FN3KRP: variants seen among roughly 807,000 people sequenced by gnomAD.
The protein encoded by FN3KRP is fructosamine 3 kinase related protein, also known as ketosamine-3-kinase.
FN3KRP carries 33 observed loss-of-function variants against 29.8 expected under a neutral mutation model. The ratio of observed to expected loss-of-function variants is 1.11; its 90% CI spans 0.84 to 1.48. The LOEUF (loss-of-function observed/expected upper bound fraction) is 1.48, where lower values mean the gene tolerates loss of function less well. Among genes scored for constraint, FN3KRP ranks in the 40% most tolerant of loss-of-function variants. FN3KRP has a pLI of 0.00. For missense variants in FN3KRP, 430 were observed against 402.6 expected (o/e 1.07, Z -0.58); for synonymous variants, 157 against 155.2 (o/e 1.01, Z -0.09).
At chr17:82,718,754 T>C in intron 1 of FN3KRP, 152 bp from the exon 2 acceptor site, 3 of 1,215,974 alleles carry the variant, frequency 2.5e-6, no homozygotes, top group Non-Finnish European at 3.5e-6. Context: ...TGTTGGCAAG[T>C]GTGTTTGAAA....
At position 82,726,951 on chromosome 17, in the gene FN3KRP, C is replaced by A. The variant is rs1321239467; in HGVS notation, c.710C>A (p.Ser237Tyr). The A allele has an allele frequency of 1.4e-5, 22 of 1,613,592 alleles. No individual in the cohort carries two copies. Among genetic ancestry groups the A allele is most frequent in the Non-Finnish European group, 1.9e-5 (22 of 1,179,768 alleles). The stretch of plus-strand genomic sequence containing the variant: ...GGGCCGGTGATTTTTGACCCAGCTT[C>A]TTTCTACGGCCACTCGGAATATGAG... ...SSGPVIFDPASFYGHSEYELA... is the reference protein window; with the variant it reads ...SSGPVIFDPAYFYGHSEYELA... The change falls in exon 6 of 6, where the codon TCT becomes TAT. Residue 237 changes from serine (S) to tyrosine (Y), a missense_variant. Physicochemically the swap from Ser to Tyr is moderately radical, Grantham distance 144. Coordinates refer to ENST00000269373, the MANE Select transcript of FN3KRP (RefSeq NM_024619.4).
At position 82,720,340 on chromosome 17, in the gene FN3KRP, G is replaced by T. The variant is rs756638100; in HGVS notation, c.362G>T (p.Arg121Leu). ...HLDNKKLGEM[R>L]LKEAGTVGRG... ...GATAACAAGAAGCTTGGAGAGATGCGCCTGAAGGAGGCGGGCACAGTGGGT... is the reference window on the plus strand; with the variant it reads ...GATAACAAGAAGCTTGGAGAGATGCTCCTGAAGGAGGCGGGCACAGTGGGT... Residue 121 changes from arginine to leucine, a missense_variant, in exon 3 of 6, where the codon CGC becomes CTC. Transcript: ENST00000269373. The T allele has an allele frequency of 9.9e-6, 16 of 1,613,614 alleles. No homozygotes were observed. Among genetic ancestry groups the T allele is most frequent in the Non-Finnish European group, 1.1e-5 (13 of 1,179,962 alleles).
At chr17:82,726,729 T>C in intron 5 of FN3KRP, 104 bp from the exon 6 acceptor site, 2 of 1,499,710 alleles carry the variant, frequency 1.3e-6, no homozygotes, top group Non-Finnish European at 1.8e-6. Flanking sequence ...TGCCTGGTGG[T>C]GTGCTATCCG....
In FN3KRP at chr17:82,718,905, G is replaced by A; in HGVS notation, c.142-1G>A. ...CACTTCCTCTCGTATTTTTCTGACAGGCCAGAAGAATGTTTGAAGGTGAGA... is the reference window on the plus strand; with the variant it reads ...CACTTCCTCTCGTATTTTTCTGACAAGCCAGAAGAATGTTTGAAGGTGAGA... On this transcript the variant is annotated splice_acceptor_variant, in intron 1 of 5. Transcript: ENST00000269373. LOFTEE classifies it high-confidence loss of function. 6.2e-7 allele frequency: 1 copy of A among 1,613,262 alleles called. No homozygotes were observed. The highest frequency in any genetic ancestry group is 8.5e-7 in the Non-Finnish European group (1 of 1,179,272).
In FN3KRP at chr17:82,716,757, TGGA is replaced by T. The variant is rs2046756494; in HGVS notation, c.7_9del (p.Glu3?). 4.6e-6 allele frequency: 7 copies of T among 1,506,260 alleles called. No homozygotes were observed. The highest frequency in any genetic ancestry group is 1.5e-5 in the African/African-American group (1 of 68,430). The allele number at this position is 1,506,260 out of a possible 1,614,324, so 93.3% of individuals were successfully genotyped here. On this transcript the variant is annotated start_lost and inframe_deletion, in exon 1 of 6. Transcript: ENST00000269373. ...CGGGTCCGCGGCCGCGGCGGGAACA[TGGA>T]GGAGCTCCTGAGGCGCGAGCTGGGC...
intron 3 of FN3KRP, among the ~76,000 whole-genome samples, chr17:82,721,166 T>C (rs2246816): frequency 0.74 from 112,899 of 152,070 alleles, 42,112 homozygotes; most frequent in African/African-American, 0.81. Flanking sequence ...TGGCTCACCG[T>C]GACCTCTGCC....
Position 82,727,093 on chromosome 17 carries a change from C to G in FN3KRP, c.852C>G (p.His284Gln). ...GCCTTCAGTTGTATCAGCTCTTTCACTACTTGAACCACTGGAATCATTTTG... is the reference window on the plus strand; with the variant it reads ...GCCTTCAGTTGTATCAGCTCTTTCAGTACTTGAACCACTGGAATCATTTTG... ...EKRLQLYQLF[H>Q]YLNHWNHFGS... The change falls in exon 6 of 6, where the codon CAC becomes CAG. Residue 284 changes from histidine (H) to glutamine (Q), a missense_variant. Transcript: ENST00000269373. The G allele has an allele frequency of 6.2e-7, 1 of 1,614,226 alleles. No individual in the cohort carries two copies. The highest frequency in any genetic ancestry group is 8.5e-7 in the Non-Finnish European group (1 of 1,180,042).
chr17:82,718,091 G>A (rs1487119345), intron 1 of FN3KRP, among the ~76,000 whole-genome samples: 1 of 151,176 alleles, frequency 6.6e-6, no homozygotes, highest in Non-Finnish European at 1.5e-5. Context: ...TGTGTGTTGT[G>A]TGTGTATGGT....
chr17:82,726,945 C>G lies in FN3KRP; in HGVS notation c.704C>G (p.Pro235Arg), dbSNP rs1273283102. 2 of 1,612,974 alleles carry G rather than the reference C, an allele frequency of 1.2e-6. No homozygotes were observed. Among genetic ancestry groups the G allele is most frequent in the Non-Finnish European group, 1.7e-6 (2 of 1,179,542 alleles). ...TCCTCTGGGCCGGTGATTTTTGACCCAGCTTCTTTCTACGGCCACTCGGAA... is the reference window on the plus strand; with the variant it reads ...TCCTCTGGGCCGGTGATTTTTGACCGAGCTTCTTTCTACGGCCACTCGGAA... ...EDSSGPVIFD[P>R]ASFYGHSEYE... The change falls in exon 6 of 6, where the codon CCA becomes CGA. Residue 235 changes from proline (P) to arginine (R), a missense_variant. Transcript: ENST00000269373.
At chr17:82,725,728 C>T (rs1025722210) in intron 4 of FN3KRP, among the ~76,000 whole-genome samples, 4 of 152,212 alleles carry the variant, frequency 2.6e-5, no homozygotes, top group African/African-American at 9.7e-5. Context: ...ATTCTACAGG[C>T]ATATTTACAC....
intron 3 of FN3KRP, among the ~76,000 whole-genome samples, chr17:82,722,288 C>T (rs1432054397): frequency 6.6e-6 from 1 of 152,208 alleles, no homozygotes; most frequent in Non-Finnish European, 1.5e-5. Flanking sequence ...GCGCCTGCCA[C>T]CATGCCTAGC....
chr17:82,720,666 T>G (rs1427202945), intron 3 of FN3KRP: 5 of 251,020 alleles, frequency 2.0e-5, no homozygotes, highest in Non-Finnish European at 3.8e-5. Flanking sequence ...TCTCTGGCTG[T>G]CTGTAAAAGG....
At chr17:82,722,203 C>G (rs929608749) in intron 3 of FN3KRP, among the ~76,000 whole-genome samples, 2 of 152,044 alleles carry the variant, frequency 1.3e-5, no homozygotes, top group African/African-American at 4.8e-5. Flanking sequence ...GGAGCGATCT[C>G]GGCTCACTGC....
intron 4 of FN3KRP, among the ~76,000 whole-genome samples, chr17:82,723,522 CAT>C (rs932558993): frequency 4.6e-5 from 7 of 151,790 alleles, no homozygotes; most frequent in African/African-American, 1.7e-4. Context: ...TGTGTGTGTG[CAT>C]ATGTGTATTT....
chr17:82,722,961 C>G, intron 4 of FN3KRP, 75 bp downstream of exon 4: 1 of 1,322,430 alleles, frequency 7.6e-7, no homozygotes, highest in Non-Finnish European at 1.1e-6. Context: ...GGACACACCC[C>G]CCTCCTTTTT....
chr17:82,724,323 G>A (rs930339625), intron 4 of FN3KRP, among the ~76,000 whole-genome samples: 2 of 149,740 alleles, frequency 1.3e-5, no homozygotes, highest in African/African-American at 4.9e-5. Flanking sequence ...AAAATGTTCT[G>A]GACCGGGCAC....
rs765206483 is a variant in FN3KRP at position 82,720,257 on chromosome 17, C to T, written c.294-15C>T. ...TGTGTGTCATCTGTTTAGTTGCTGTCGTTTGATTTGACAGTCATGCTGCAA... is the reference window on the plus strand; with the variant it reads ...TGTGTGTCATCTGTTTAGTTGCTGTTGTTTGATTTGACAGTCATGCTGCAA... On this transcript the variant is annotated splice_polypyrimidine_tract_variant and intron_variant, in intron 2 of 5. Coordinates refer to ENST00000269373, the MANE Select transcript of FN3KRP (RefSeq NM_024619.4). 35 of 1,607,760 alleles carry T rather than the reference C, an allele frequency of 2.2e-5. No individual in the cohort carries two copies. The highest frequency in any genetic ancestry group is 1.4e-4 in the South Asian group (13 of 90,880).
intron 4 of FN3KRP, among the ~76,000 whole-genome samples, 164 bp from the exon 5 acceptor site, chr17:82,726,316 C>T (rs1023378768): frequency 7.9e-5 from 12 of 152,168 alleles, no homozygotes; most frequent in Non-Finnish European, 1.2e-4. Flanking sequence ...CATGAGACTC[C>T]GGTTCCTCCT....
Position 82,726,598 on chromosome 17 carries a change from T to A in FN3KRP, c.587T>A (p.Leu196Gln). 1 of 1,611,356 alleles carries A rather than the reference T, an allele frequency of 6.2e-7. No homozygotes were observed. Among genetic ancestry groups the A allele is most frequent in the Middle Eastern group, 1.7e-4 (1 of 6,046 alleles). Residue 196 changes from leucine to glutamine, a missense_variant, in exon 5 of 6, where the codon CTG becomes CAG. By Grantham distance (113) the Leu-to-Gln change is moderately radical (BLOSUM62 -2). Transcript: ENST00000269373. The stretch of plus-strand genomic sequence containing the variant: ...GAGGCCCTCCAGCTTTGGTCTGCTC[T>A]GCAGGTGAGTGGGGCCCCACTGCAT... ...DREALQLWSA[L>Q]QLKIPDLFRD... is the part of the protein sequence containing the mutation.
Sources: allele counts gnomAD v4.1 joint callset (sites outside exome capture counted in the v4.1 genomes callset), GRCh38; gene constraint gnomAD v4.1.1; transcripts MANE v1.5; gene names NCBI Gene and HGNC (gene_info 2026-07-23, HGNC 2026-07-21).